The following RNF213 variants were observed in gnomAD, a reference collection of about 807,000 sequenced individuals.
RNF213 encodes the protein ring finger protein 213.
Under a neutral mutation model 514.4 loss-of-function variants are expected in RNF213, and 341 were observed. The observed-to-expected ratio is 0.66, with a 90% confidence interval of 0.61 to 0.73. RNF213 has a LOEUF of 0.73. Among genes scored for constraint, RNF213 ranks in the 30% least tolerant of loss-of-function variants. RNF213 has a pLI of 0.00. For missense variants in RNF213, 5,767 were observed against 6,615.6 expected (o/e 0.87, Z 4.45); for synonymous variants, 2,655 against 2,658.2 (o/e 1.00, Z 0.04).
In RNF213 at chr17:80,339,669, C is replaced by T; in HGVS notation, c.5302C>T (p.Leu1768Phe). 6.5e-7 allele frequency: 1 copy of T among 1,537,198 alleles called. No homozygotes were observed. Among genetic ancestry groups the T allele is most frequent in the Non-Finnish European group, 8.7e-7 (1 of 1,146,864 alleles). The change falls in exon 26 of 68, where the codon CTC (leucine) becomes TTC (phenylalanine). Residue 1768 changes from leucine to phenylalanine, a missense_variant. Coordinates refer to ENST00000582970, the MANE Select transcript of RNF213 (RefSeq NM_001256071.3). ...RRVMEELPLM[L>F]LSEFSLVDKL... The stretch of plus-strand genomic sequence containing the variant: ...AGTCATGGAAGAGCTCCCGCTGATG[C>T]TCTTATCAGAGTTCAGCCTGGTGGA...
intron 54 of RNF213, among the ~76,000 whole-genome samples, chr17:80,379,089 G>A (rs1321656204): frequency 1.3e-5 from 2 of 152,200 alleles, no homozygotes; most frequent in African/African-American, 4.8e-5. Context: ...CTACTTGGGA[G>A]GCTAAGGTAG....
rs1421581020 is a variant in RNF213, at chr17:80,317,177, G to A, written c.2812-11G>A. The stretch of plus-strand genomic sequence containing the variant: ...GTGAGAGTGGGTGTGACCTGTGTGC[G>A]GGTTTTGCAGGTCTGGAGGCGGCTG... On this transcript the variant is annotated splice_polypyrimidine_tract_variant and intron_variant, in intron 15 of 67. Coordinates refer to ENST00000582970, the MANE Select transcript of RNF213 (RefSeq NM_001256071.3). This position sits in a 1 kb window ranked among gnomAD's most constrained non-coding sequence, Gnocchi z 4.1. 3.7e-6 allele frequency: 6 copies of A among 1,610,410 alleles called. No homozygotes were observed. In the East Asian group the frequency reaches 6.7e-5, roughly 18 times the overall value.
intron 2 of RNF213, among the ~76,000 whole-genome samples, chr17:80,270,626 G>A (rs962133193): frequency 6.6e-6 from 1 of 152,170 alleles, no homozygotes; most frequent in Non-Finnish European, 1.5e-5. Flanking sequence ...GCATCTCTTT[G>A]GAAGTTAAGA....
intron 20 of RNF213, among the ~76,000 whole-genome samples, chr17:80,331,207 G>A (rs2046404815): frequency 6.6e-6 from 1 of 152,144 alleles, no homozygotes; most frequent in Admixed American, 6.5e-5. Flanking sequence ...ATGTGTGTCT[G>A]CTTTTTGGGA....
chr17:80,330,724 T>C (rs1217693314), intron 20 of RNF213, among the ~76,000 whole-genome samples: 1 of 152,366 alleles, frequency 6.6e-6, no homozygotes, highest in Non-Finnish European at 1.5e-5. Flanking sequence ...TGCGTTATCC[T>C]TTCTAGAAAA....
At position 80,340,323 on chromosome 17, in the gene RNF213, G is replaced by A. The variant is rs1418176695; in HGVS notation, c.5956G>A (p.Val1986Ile). ...AAAVFNDRLC[V>I]GIVASERAGV... is the part of the protein sequence containing the mutation. ...AGCCGTGTTCAATGACCGGCTGTGT[G>A]TTGGGATCGTGGCCTCGGAGCGAGC... The change falls in exon 26 of 68, where the codon GTT becomes ATT. Residue 1986 changes from valine to isoleucine, a missense_variant. Val to Ile is a conservative substitution (Grantham distance 29). Around this residue, in one of 13 missense-constraint regions of RNF213, gnomAD observed 1,377 missense variants for 1,635.2 expected, o/e 0.84. Transcript: ENST00000582970. The A allele has an allele frequency of 1.2e-6, 2 of 1,613,520 alleles. No homozygotes were observed. Among genetic ancestry groups the A allele is most frequent in the Admixed American group, 1.7e-5 (1 of 60,004 alleles).
At position 80,271,194 on chromosome 17, in the gene RNF213, C is replaced by T. The variant is rs2043810821; in HGVS notation, c.98-2047C>T. Among the ~76,000 whole-genome samples, 3 of 152,168 alleles carry T rather than the reference C, an allele frequency of 2.0e-5. No individual in the cohort carries two copies. In the South Asian group the frequency reaches 6.2e-4, roughly 32 times the overall value. On this transcript the variant is annotated intron_variant, in intron 2 of 67. Transcript: ENST00000582970. Reference sequence around the variant, plus strand: ...AACAGCAGCTCTCGAAGGATGGGGCCTTGGGTCGCCTGTTGCAGATCTTTC... The same window carrying T: ...AACAGCAGCTCTCGAAGGATGGGGCTTTGGGTCGCCTGTTGCAGATCTTTC...
chr17:80,265,047 T>TGTTTG (rs56976962), intron 2 of RNF213, among the ~76,000 whole-genome samples: 4 of 147,090 alleles, frequency 2.7e-5, no homozygotes, highest in African/African-American at 7.7e-5. Flanking sequence ...TTTGTTTGTT[T>TGTTTG]TTTTTTTTTT....
intron 38 of RNF213, chr17:80,360,508 AGAG>A (rs1599127365): frequency 9.7e-6 from 4 of 414,456 alleles, no homozygotes; most frequent in Non-Finnish European, 1.8e-5. Flanking sequence ...TGTTCTGGCA[AGAG>A]GAGGACTGTC....
In RNF213 at chr17:80,309,033, C is replaced by T; in HGVS notation, c.2517C>T (p.Ala839=). Residue 839 remains alanine, a synonymous_variant, in exon 14 of 68, where the codon GCC becomes GCT. Coordinates refer to ENST00000582970, the MANE Select transcript of RNF213 (RefSeq NM_001256071.3). ...TGCGGGGCAGGATTCCCGAGGAGGCCTTGTCACCATCCTACCTGACTGTGT... is the reference window on the plus strand; with the variant it reads ...TGCGGGGCAGGATTCCCGAGGAGGCTTTGTCACCATCCTACCTGACTGTGT... ...DTYRDKIPEE[A]LSPSYLTVCL... 6.2e-7 allele frequency: 1 copy of T among 1,614,140 alleles called. No individual in the cohort carries two copies. Among genetic ancestry groups the T allele is most frequent in the South Asian group, 1.1e-5 (1 of 91,080 alleles).
rs1323910471 is a variant in RNF213, at chr17:80,385,584, C to T, written c.14502C>T (p.Ser4834=). The part of the protein sequence containing the change: ...LLHNRITVFL[S]TWNKLRRSLE... ...ACAACAGGATCACAGTCTTTCTGTC[C>T]ACATGGAACAAACTGAGGAGATCGC... The change falls in exon 61 of 68, where the codon TCC becomes TCT. Residue 4834 remains serine (S), a synonymous_variant. Transcript: ENST00000582970. 8.7e-6 allele frequency: 14 copies of T among 1,614,026 alleles called. No individual in the cohort carries two copies. The highest frequency in any genetic ancestry group is 2.7e-5 in the African/African-American group (2 of 74,934).
chr17:80,361,995 G>C, intron 39 of RNF213, 107 bp downstream of exon 39: 1 of 1,337,718 alleles, frequency 7.5e-7, no homozygotes, highest in Non-Finnish European at 1.1e-6. Context: ...GTGCTGTGAA[G>C]TCTGGGAACA....
intron 17 of RNF213, among the ~76,000 whole-genome samples, chr17:80,321,723 T>A (rs2046141856): frequency 6.6e-6 from 1 of 152,122 alleles, no homozygotes; most frequent in Non-Finnish European, 1.5e-5. Context: ...TATCTCCTTG[T>A]GGTTTTTGTT....
At chr17:80,360,737 C>T (rs766420025) in intron 38 of RNF213, among the ~76,000 whole-genome samples, 5 of 152,204 alleles carry the variant, frequency 3.3e-5, no homozygotes, top group Non-Finnish European at 7.4e-5. Context: ...AAGATTTGCC[C>T]TAGTCCAGAA....
chr17:80,342,682 C>T (rs2078190550), intron 26 of RNF213, among the ~76,000 whole-genome samples: 3 of 143,702 alleles, frequency 2.1e-5, no homozygotes, highest in Non-Finnish European at 4.5e-5. Flanking sequence ...TATATACTTC[C>T]ATATATACTA....
At position 80,348,157 on chromosome 17, in the gene RNF213, G is replaced by A. The variant is rs780946669; in HGVS notation, c.9822G>A (p.Ser3274=). The A allele has an allele frequency of 9.3e-6, 15 of 1,613,964 alleles. No homozygotes were observed. Among genetic ancestry groups the A allele is most frequent in the Middle Eastern group, 1.6e-4 (1 of 6,084 alleles). Residue 3274 remains serine, a synonymous_variant, in exon 29 of 68, where the codon TCG becomes TCA. Transcript: ENST00000582970. ...CCGTGGTCCGGCTGAGCGCCTACTC[G>A]CTGGGCGGGTTCGCAGCGGAGTGGC... ...PDAVVRLSAY[S]LGGFAAEWLS...
rs1485849448 is a variant in RNF213 at position 80,295,671 on chromosome 17, C to T, written c.1870C>T (p.Leu624=). The part of the protein sequence containing the change: ...CPVRSKLKTG[L]IVLFVVEKIE... ...AGTGAGGAGTAAACTGAAAACAGGCCTGATTGTCCTTTTTGTAGTGGAAAA... is the reference window on the plus strand; with the variant it reads ...AGTGAGGAGTAAACTGAAAACAGGCTTGATTGTCCTTTTTGTAGTGGAAAA... Residue 624 remains leucine (L), a synonymous_variant, in exon 10 of 68, where the codon CTG becomes TTG. Coordinates refer to ENST00000582970, the MANE Select transcript of RNF213 (RefSeq NM_001256071.3). The T allele has an allele frequency of 6.2e-7, 1 of 1,614,092 alleles. No homozygotes were observed. Among genetic ancestry groups the T allele is most frequent in the Non-Finnish European group, 8.5e-7 (1 of 1,180,002 alleles).
chr17:80,298,258 G>C, intron 10 of RNF213, 63 bp from the exon 11 acceptor site: 1 of 1,565,762 alleles, frequency 6.4e-7, no homozygotes, highest in Non-Finnish European at 8.7e-7. Flanking sequence ...TGGGACTCCA[G>C]ACTCCCAGGG....
intron 44 of RNF213, among the ~76,000 whole-genome samples, chr17:80,369,170 G>A (rs532594954): frequency 6.6e-6 from 1 of 152,248 alleles, no homozygotes; most frequent in African/African-American, 2.4e-5. Flanking sequence ...AGGCCGAGGT[G>A]TGTGGATCAC....
Sources: allele counts gnomAD v4.1 joint callset (sites outside exome capture counted in the v4.1 genomes callset), GRCh38; gene constraint gnomAD v4.1.1; regional missense constraint gnomAD v4.1.1; non-coding constraint Gnocchi (gnomAD v3.1); transcripts MANE v1.5; gene names NCBI Gene and HGNC (gene_info 2026-07-23, HGNC 2026-07-21).